Variants in OCIAD1 observed in about 807,000 individuals in gnomAD.
OCIAD1 encodes the protein OCIA domain containing 1, also known as OCIA domain-containing protein 1.
In OCIAD1, 29 loss-of-function variants were observed where a neutral mutation model predicts 38.9. The ratio of observed to expected loss-of-function variants is 0.74; its 90% CI spans 0.55 to 1.02. The LOEUF (loss-of-function observed/expected upper bound fraction) is 1.02, where lower values mean the gene tolerates loss of function less well. Among genes scored for constraint, OCIAD1 ranks in the 50% least tolerant of loss-of-function variants. The pLI is 0.00. For missense variants in OCIAD1, 288 were observed against 289.6 expected, an observed-to-expected ratio of 0.99 and a Z score of 0.04; for synonymous variants, 110 against 92.0, an observed-to-expected ratio of 1.20 and a Z score of -1.12.
upstream of OCIAD1, among the ~76,000 whole-genome samples, chr4:48,829,835 C>T (rs1188035767): frequency 6.6e-6 from 1 of 152,134 alleles, no homozygotes; most frequent in African/African-American, 2.4e-5. Context: ...CATCTCTGTC[C>T]TAAAGGAGCT....
intron 1 of OCIAD1, among the ~76,000 whole-genome samples, chr4:48,821,523 G>C (rs1214172618): frequency 6.6e-6 from 1 of 152,058 alleles, no homozygotes; most frequent in South Asian, 2.1e-4. Context: ...CCTATTTAAC[G>C]TAGTATTGGA....
In OCIAD1 at chr4:48,842,690, G is replaced by A; in HGVS notation, c.193+1G>A. ...ATTACTCAAGGATTAATTAGTAAAG[G>A]TAAATATTTAAAATTTGAATTTATT... On this transcript the variant is annotated splice_donor_variant, in intron 4 of 8. Coordinates refer to ENST00000264312, the MANE Select transcript of OCIAD1 (RefSeq NM_017830.4). LOFTEE classifies it high-confidence loss of function. 6.7e-7 allele frequency: 1 copy of A among 1,500,678 alleles called. No individual in the cohort carries two copies. The highest frequency in any genetic ancestry group is 9.1e-7 in the Non-Finnish European group (1 of 1,100,728). 93.0% of individuals were successfully genotyped at this position (1,500,678 alleles called of 1,614,324 possible).
chr4:48,857,235 A>T lies in OCIAD1; in HGVS notation c.570A>T (p.Glu190Asp). The change falls in exon 8 of 9, where the codon GAA (glutamate) becomes GAT (aspartate). Residue 190 changes from glutamate to aspartate, a missense_variant. Glu to Asp is a conservative substitution (Grantham distance 45, BLOSUM62 2). Coordinates refer to ENST00000264312, the MANE Select transcript of OCIAD1 (RefSeq NM_017830.4). ...TAGGACCTGATCCCAACCTTGAAGA[A>T]AGTCCTAAAAGAAAAAATATTACAT... ...IVQGPDPNLE[E>D]SPKRKNITYE... The T allele has an allele frequency of 6.4e-7, 1 of 1,556,486 alleles. No homozygotes were observed. Among genetic ancestry groups the T allele is most frequent in the Non-Finnish European group, 8.7e-7 (1 of 1,153,932 alleles).
At chr4:48,855,072 G>T (rs1405260517) in intron 7 of OCIAD1, among the ~76,000 whole-genome samples, 1 of 152,072 alleles carries the variant, frequency 6.6e-6, no homozygotes, top group Non-Finnish European at 1.5e-5. Context: ...TTCATTATTT[G>T]TTCCAGAATT....
chr4:48,844,103 T>C (rs1308964015), intron 4 of OCIAD1, among the ~76,000 whole-genome samples: 1 of 152,018 alleles, frequency 6.6e-6, no homozygotes, highest in Non-Finnish European at 1.5e-5. Flanking sequence ...ATGGGCAGGA[T>C]TTAGATTAAA....
chr4:48,836,285 T>C (rs1323642896), intron 3 of OCIAD1, among the ~76,000 whole-genome samples: 2 of 152,080 alleles, frequency 1.3e-5, no homozygotes, highest in Non-Finnish European at 2.9e-5. Context: ...AATAAAAGGA[T>C]TTTTTAAAAA....
chr4:48,855,599 C>T (rs1268532345), intron 7 of OCIAD1, among the ~76,000 whole-genome samples: 2 of 152,062 alleles, frequency 1.3e-5, no homozygotes, highest in African/African-American at 4.8e-5. Flanking sequence ...GGGTGGATCA[C>T]CTGAGGTCAG....
At chr4:48,805,882 T>A (rs1375163099) in intron 1 of OCIAD1, among the ~76,000 whole-genome samples, 1 of 152,216 alleles carries the variant, frequency 6.6e-6, no homozygotes, top group East Asian at 1.9e-4. Flanking sequence ...GAAAAGATAA[T>A]ATTCATACTC....
In OCIAD1 at chr4:48,832,930, A is replaced by G. The variant is rs534794200; in HGVS notation, c.58+248A>G. On this transcript the variant is annotated intron_variant, in intron 2 of 8. Coordinates refer to ENST00000264312, the MANE Select transcript of OCIAD1 (RefSeq NM_017830.4). ...TCCTGACTAGCAGATAGTAGCATTA[A>G]TTCTATTTGAAGTCAAAGTTTGTTG... 3.3e-5 allele frequency among the ~76,000 whole-genome samples: 5 copies of G among 152,186 alleles called. No individual in the cohort carries two copies. The East Asian group carries it at 5.8e-4, about 18-fold the overall frequency.
rs112021411 is a variant in OCIAD1 at position 48,805,640 on chromosome 4, G to C, written c.-103+310G>C. Among the ~76,000 whole-genome samples the C allele has an allele frequency of 1.9e-3, 294 of 151,638 alleles. 4 individuals are homozygous for C. Among genetic ancestry groups the C allele is most frequent in the African/African-American group, 6.2e-3 (256 of 41,352 alleles). On this transcript the variant is annotated intron_variant, in intron 1 of 6. Coordinates refer to the OCIAD1 transcript ENST00000504654. The stretch of plus-strand genomic sequence containing the variant: ...TCAAGACTGCAGTGAGCTGTGATTG[G>C]GCCATTGTACTCCAGCCTGGGTGAC...
intron 4 of OCIAD1, among the ~76,000 whole-genome samples, chr4:48,844,264 G>A (rs374428595): frequency 7.9e-5 from 12 of 152,274 alleles, no homozygotes; most frequent in Middle Eastern, 3.4e-3. Context: ...AGAGCCAGGA[G>A]AAATTATAAT....
At chr4:48,841,815 GATT>G (rs1180299546) in intron 3 of OCIAD1, among the ~76,000 whole-genome samples, 3 of 152,050 alleles carry the variant, frequency 2.0e-5, no homozygotes, top group Non-Finnish European at 1.5e-5. Context: ...CCCCCTTTGA[GATT>G]ATGAGTTTTG....
rs1175056702 is a variant in OCIAD1 at position 48,861,775 on chromosome 4, A to C, written c.*1013A>C. 1 of 152,208 alleles carries C rather than the reference A, an allele frequency of 6.6e-6. No individual in the cohort carries two copies. Among genetic ancestry groups the C allele is most frequent in the African/African-American group, 2.4e-5 (1 of 41,470 alleles). The allele number at this position is 152,208 out of a possible 1,614,324, so 9.4% of individuals were successfully genotyped here. A position where few individuals can be genotyped will look rare whatever the true frequency, so the allele number is the denominator to read the frequency against. ...AATGCCTTAAAAAGCATTTTTAAAG[A>C]ATTTGTAAATTCTAAAACAATAAAA... On this transcript the variant is annotated 3_prime_UTR_variant, in exon 9 of 9. Coordinates refer to ENST00000264312, the MANE Select transcript of OCIAD1 (RefSeq NM_017830.4).
intron 1 of OCIAD1, among the ~76,000 whole-genome samples, chr4:48,823,337 C>G (rs1455977498): frequency 1.3e-5 from 2 of 151,512 alleles, no homozygotes; most frequent in Non-Finnish European, 1.5e-5. Context: ...GGGAGCTGAA[C>G]AGCGAGAACA....
At chr4:48,852,097 C>A in intron 7 of OCIAD1, 122 bp downstream of exon 7, 1 of 711,646 alleles carries the variant, frequency 1.4e-6, no homozygotes, top group South Asian at 2.1e-5. Context: ...TCAACCTAAA[C>A]TCAGCATGTT....
intron 6 of OCIAD1, among the ~76,000 whole-genome samples, chr4:48,851,528 A>C (rs1210095666): frequency 6.6e-6 from 1 of 151,922 alleles, no homozygotes; most frequent in Admixed American, 6.6e-5. Context: ...TCTCTACAAA[A>C]AACCAAGTGG....
At chr4:48,812,056 G>A (rs1366985150) in intron 1 of OCIAD1, among the ~76,000 whole-genome samples, 1 of 151,938 alleles carries the variant, frequency 6.6e-6, no homozygotes, top group African/African-American at 2.4e-5. Flanking sequence ...GGCTGAGGCG[G>A]GTGGATCATT....
intron 1 of OCIAD1, among the ~76,000 whole-genome samples, chr4:48,823,790 T>A (rs2109497160): frequency 6.8e-6 from 1 of 147,248 alleles, no homozygotes; most frequent in African/African-American, 2.5e-5. Flanking sequence ...ATGCTCTAGA[T>A]TAGCTAGGAC....
intron 7 of OCIAD1, chr4:48,856,335 C>T (rs1780042118): frequency 6.6e-6 from 1 of 152,158 alleles, no homozygotes. Flanking sequence ...ATGAAAACAA[C>T]ACATATTCTG....
Sources: gnomAD v4.1 joint callset for allele counts (sites outside exome capture counted in the v4.1 genomes callset) on GRCh38, gnomAD v4.1.1 for gene constraint, MANE v1.5 for transcripts, NCBI Gene and HGNC (gene_info 2026-07-23, HGNC 2026-07-21) for gene names.